COG3: variants seen among roughly 807,000 people sequenced by gnomAD.
COG3 encodes component of oligomeric golgi complex 3, also known as conserved oligomeric Golgi complex subunit 3.
In COG3, 32 loss-of-function variants were observed where a neutral mutation model predicts 114.1. That is an observed-to-expected ratio of 0.28 (90% confidence interval 0.21 to 0.38). The LOEUF (loss-of-function observed/expected upper bound fraction) is 0.38, where lower values mean the gene tolerates loss of function less well. COG3 is among the 10% of genes least tolerant of loss of function. The pLI is 1.00. For missense variants in COG3, 813 were observed against 973.2 expected (o/e 0.84, Z 2.19); for synonymous variants, 352 against 365.7 (o/e 0.96, Z 0.43).
intron 2 of COG3, among the ~76,000 whole-genome samples, chr13:45,478,660 TG>T (rs1453590292): frequency 6.6e-6 from 1 of 152,140 alleles, no homozygotes; most frequent in Non-Finnish European, 1.5e-5. Context: ...GGCTAATTTT[TG>T]TATTTTTAGT....
chr13:45,533,727 C>T (rs932752393), intron 22 of COG3, among the ~76,000 whole-genome samples: 2 of 152,166 alleles, frequency 1.3e-5, no homozygotes, highest in African/African-American at 4.8e-5. Context: ...TGTCATGTCT[C>T]TTTAGCTTCT....
In COG3 at chr13:45,496,152, C is replaced by T. The variant is rs199771706; in HGVS notation, c.1328C>T (p.Ala443Val). The change falls in exon 13 of 23, where the codon GCT becomes GTT. Residue 443 changes from alanine (A) to valine (V), a missense_variant and splice_region_variant. Around this residue, in one of 2 missense-constraint regions of COG3, gnomAD observed 389 missense variants for 542.6 expected, o/e 0.72. Transcript: ENST00000349995. ...EVLEDHVQNN[A>V]EQLGAFAAGV... ...ATGGATGATTGCACTTTTTTATCAG[C>T]TGAGCAACTGGGGGCATTTGCAGCT... 7 of 1,604,520 alleles carry T rather than the reference C, an allele frequency of 4.4e-6. No individual in the cohort carries two copies. The East Asian group carries it at 1.6e-4, about 36-fold the overall frequency.
intron 1 of COG3, among the ~76,000 whole-genome samples, chr13:45,471,338 G>C (rs888055369): frequency 6.6e-6 from 1 of 152,110 alleles, no homozygotes; most frequent in Non-Finnish European, 1.5e-5. Context: ...GAGATGGCTT[G>C]AGCCCTGGAA....
intron 22 of COG3, among the ~76,000 whole-genome samples, chr13:45,532,374 A>AT (rs965831082): frequency 4.0e-5 from 6 of 151,654 alleles, no homozygotes; most frequent in African/African-American, 1.2e-4. Context: ...ATATTTAGAG[A>AT]TTTTTTTTCT....
chr13:45,500,023 AAAATAT>A (rs1291310633), intron 13 of COG3, among the ~76,000 whole-genome samples: 264 of 129,084 alleles, frequency 2.0e-3, no homozygotes, highest in African/African-American at 0.01. Flanking sequence ...GCCTTAAAAA[AAAATAT>A]ATATATATGT....
chr13:45,514,486 GA>G (rs1296853021), intron 16 of COG3, among the ~76,000 whole-genome samples: 1 of 151,980 alleles, frequency 6.6e-6, no homozygotes, highest in Non-Finnish European at 1.5e-5. Flanking sequence ...AGGGAGGCAT[GA>G]AAAGCGTTTT....
chr13:45,482,838 C>T (rs1219965191), intron 6 of COG3, among the ~76,000 whole-genome samples: 1 of 152,140 alleles, frequency 6.6e-6, no homozygotes, highest in African/African-American at 2.4e-5. Context: ...GAAAGTGTTA[C>T]TTGGGGGGAA....
In COG3 at chr13:45,534,724, C is replaced by T; in HGVS notation, c.2480C>T (p.Ser827Phe). ...CAGCTGAGCCTTCTGCTGTTGGTTT[C>T]TAAATAAGCAGGCCAGCCGGGCTGT... is the stretch of plus-strand genomic sequence containing the variant. ...MEQLSLLLLV[S>F]K Residue 827 changes from serine (S) to phenylalanine (F), a missense_variant, in exon 23 of 23, where the codon TCT (serine) becomes TTT (phenylalanine). By Grantham distance (155) the Ser-to-Phe change is radical. Transcript: ENST00000349995. The T allele has an allele frequency of 6.4e-7, 1 of 1,563,840 alleles. No homozygotes were observed. Among genetic ancestry groups the T allele is most frequent in the Non-Finnish European group, 8.7e-7 (1 of 1,153,364 alleles).
At position 45,491,604 on chromosome 13, in the gene COG3, ACTATAC is replaced by A. The variant is rs767001787; in HGVS notation, c.1095+69_1095+74del. 678 of 1,451,330 alleles carry A rather than the reference ACTATAC, an allele frequency of 4.7e-4. 2 individuals carry two copies. Among genetic ancestry groups the A allele is most frequent in the Middle Eastern group, 2.2e-3 (12 of 5,498 alleles). The allele number at this position is 1,451,330 out of a possible 1,614,324, so 89.9% of individuals were successfully genotyped here. On this transcript the variant is annotated intron_variant, in intron 10 of 22. Coordinates refer to ENST00000349995, the MANE Select transcript of COG3 (RefSeq NM_031431.4). ...CTTGAGTTATGTTGATATCCTAGAA[ACTATAC>A]CTGGTTAAATAAGATTTGGGGCCCA...
At chr13:45,478,634 A>C (rs1210562661) in intron 2 of COG3, among the ~76,000 whole-genome samples, 1 of 151,672 alleles carries the variant, frequency 6.6e-6, no homozygotes, top group East Asian at 1.9e-4. Context: ...GATTACAGGC[A>C]TGTGCCACTA....
At chr13:45,494,304 A>AT (rs2137835027) in intron 12 of COG3, among the ~76,000 whole-genome samples, 1 of 151,366 alleles carries the variant, frequency 6.6e-6, no homozygotes, top group South Asian at 2.1e-4. Context: ...CAGCCCAGGC[A>AT]ACAACAGCAA....
chr13:45,466,625 A>C (rs1885156625), intron 1 of COG3: 1 of 152,206 alleles, frequency 6.6e-6, no homozygotes. Flanking sequence ...TGTTTGCTCT[A>C]TAAATTTTCC....
In COG3 at chr13:45,464,942, G is replaced by A. The variant is rs945910145; in HGVS notation, c.-95G>A. The A allele has an allele frequency of 1.4e-6, 2 of 1,464,086 alleles. No homozygotes were observed. The highest frequency in any genetic ancestry group is 5.1e-5 in the Admixed American group (2 of 39,092). 90.7% of individuals were successfully genotyped at this position (1,464,086 alleles called of 1,614,324 possible). On this transcript the variant is annotated 5_prime_UTR_variant, in exon 1 of 23. In the 5' UTR this introduces an upstream ATG that the reference lacks. Transcript: ENST00000349995. ...TCCGTCCCGCCCCGCCGCCGGTGCA[G>A]TGTTGGAAGCTCCGGTTCTCCCGGA...
At chr13:45,486,338 A>AGGGAGAGGGAGAGGGAG (rs778425569) in intron 7 of COG3, among the ~76,000 whole-genome samples, 157 bp from the exon 8 acceptor site, 1,836 of 67,516 alleles carry the variant, frequency 0.027, 66 homozygotes, top group Middle Eastern at 0.043. Flanking sequence ...GAGACGGGAG[A>AGGGAGAGGGAGAGGGAG]CGGGAGAGGG....
chr13:45,519,828 TTCTCTCTG>T (rs1393820430), intron 19 of COG3, among the ~76,000 whole-genome samples: 1 of 152,226 alleles, frequency 6.6e-6, no homozygotes, highest in Non-Finnish European at 1.5e-5. Context: ...GGATAGTATA[TTCTCTCTG>T]TCTCTCTGTC....
At chr13:45,471,849 C>T (rs957240220) in intron 1 of COG3, among the ~76,000 whole-genome samples, 3 of 152,016 alleles carry the variant, frequency 2.0e-5, no homozygotes, top group African/African-American at 4.8e-5. Flanking sequence ...TCTCCTGCCT[C>T]AGCCTCCTGA....
Position 45,516,134 on chromosome 13 carries a change from A to C in COG3, c.1810-9A>C, listed in dbSNP as rs755963481. On this transcript the variant is annotated splice_polypyrimidine_tract_variant and intron_variant, in intron 16 of 22. Transcript: ENST00000349995. ...GTGATCATATCCATTTTTCTGTCTTATAATTTAGACTCAGATTGATGGACA... is the reference window on the plus strand; with the variant it reads ...GTGATCATATCCATTTTTCTGTCTTCTAATTTAGACTCAGATTGATGGACA... The C allele has an allele frequency of 6.5e-7, 1 of 1,548,986 alleles. No homozygotes were observed. The highest frequency in any genetic ancestry group is 8.8e-7 in the Non-Finnish European group (1 of 1,135,768).
At chr13:45,467,693 T>C (rs1885233888) in intron 1 of COG3, among the ~76,000 whole-genome samples, 2 of 152,230 alleles carry the variant, frequency 1.3e-5, no homozygotes, top group South Asian at 4.1e-4. Flanking sequence ...CATTTTCCTT[T>C]TCTGAAGTGT....
In COG3 at chr13:45,511,810, A is replaced by G. The variant is rs552525063; in HGVS notation, c.1765A>G (p.Ile589Val). ...ATCACAGGAAGCATTGTCTGCCTGC[A>G]TTCAGTCCTTACTTGGAGCGTCAGA... is the stretch of plus-strand genomic sequence containing the variant. Reference protein sequence around the residue: ...GLSQEALSACIQSLLGASESI... With the variant: ...GLSQEALSACVQSLLGASESI... Residue 589 changes from isoleucine (I) to valine (V), a missense_variant, in exon 16 of 23, where the codon ATT (isoleucine) becomes GTT (valine). Coordinates refer to ENST00000349995, the MANE Select transcript of COG3 (RefSeq NM_031431.4). 3 of 1,614,072 alleles carry G rather than the reference A, an allele frequency of 1.9e-6. No homozygotes were observed. The highest frequency in any genetic ancestry group is 1.1e-5 in the South Asian group (1 of 91,080).
Sources: allele counts gnomAD v4.1 joint callset (sites outside exome capture counted in the v4.1 genomes callset), GRCh38; gene constraint gnomAD v4.1.1; regional missense constraint gnomAD v4.1.1; transcripts MANE v1.5; gene names NCBI Gene and HGNC (gene_info 2026-07-23, HGNC 2026-07-21).